ANKRD11: variants seen among roughly 807,000 people sequenced by gnomAD.
The protein encoded by ANKRD11 is ankyrin repeat domain-containing protein 11.
A neutral mutation model predicts 195.7 loss-of-function variants in ANKRD11; 17 were observed. The observed-to-expected ratio is 0.09, with a 90% CI of 0.06 to 0.13. ANKRD11 has a LOEUF of 0.13. Ranked by LOEUF, ANKRD11 falls within the 10% of genes least tolerant of loss-of-function variation. The pLI is 1.00. For missense variants in ANKRD11, 3,735 were observed against 3,566.1 expected, an observed-to-expected ratio of 1.05 and a Z score of -1.21; for synonymous variants, 1,953 against 1,528.1, an observed-to-expected ratio of 1.28 and a Z score of -6.49.
intron 7 of ANKRD11, 102 bp downstream of exon 7, chr16:89,288,426 G>C: frequency 6.4e-7 from 1 of 1,568,186 alleles, no homozygotes; most frequent in Non-Finnish European, 8.7e-7. Flanking sequence ...TCGCTTTCCT[G>C]TGCCCCACAT....
At chr16:89,292,590 C>T (rs1426235350) in intron 4 of ANKRD11, among the ~76,000 whole-genome samples, 1 of 152,222 alleles carries the variant, frequency 6.6e-6, no homozygotes, top group Admixed American at 6.5e-5. Flanking sequence ...CACACCTGGC[C>T]ACATCGACCT....
chr16:89,484,814 A>C (rs2057551351), intron 1 of ANKRD11, among the ~76,000 whole-genome samples: 1 of 152,206 alleles, frequency 6.6e-6, no homozygotes, highest in African/African-American at 2.4e-5. Flanking sequence ...TGTTGAGAAA[A>C]AGCCAACATT....
Position 89,305,807 on chromosome 16 carries a change from G to C in ANKRD11, c.88-463C>G, listed in dbSNP as rs186693863. On this transcript the variant is annotated intron_variant, in intron 3 of 12. Coordinates refer to ENST00000301030, the MANE Select transcript of ANKRD11 (RefSeq NM_013275.6). ...GCAGACACGCGCCACCTCCCACTCC[G>C]CAGACATGCGCCACTTACCTCCCAC... Among the ~76,000 whole-genome samples the C allele has an allele frequency of 2.4e-3, 246 of 101,988 alleles. 9 individuals are homozygous for C. Among genetic ancestry groups the C allele is most frequent in the African/African-American group, 9.9e-3 (238 of 23,956 alleles). 66.9% of individuals were successfully genotyped at this position (101,988 alleles called of 152,430 possible). A position where few individuals can be genotyped will look rare whatever the true frequency, so the allele number is the denominator to read the frequency against.
Position 89,425,136 on chromosome 16 carries a change from G to T in ANKRD11, c.-144-6768C>A, listed in dbSNP as rs185945360. 6.5e-4 allele frequency among the ~76,000 whole-genome samples: 99 copies of T among 151,320 alleles called. 1 individual carries two copies. Among genetic ancestry groups the T allele is most frequent in the Middle Eastern group, 3.5e-3 (1 of 288 alleles). On this transcript the variant is annotated intron_variant, in intron 1 of 12. Coordinates refer to ENST00000301030, the MANE Select transcript of ANKRD11 (RefSeq NM_013275.6). Reference sequence around the variant, plus strand: ...GAGTCCAATATTGACAATTTCATATGGTTTTATCTAGCACCAACTCACTTT... The same window carrying T: ...GAGTCCAATATTGACAATTTCATATTGTTTTATCTAGCACCAACTCACTTT...
intron 2 of ANKRD11, among the ~76,000 whole-genome samples, chr16:89,369,659 A>T (rs1484351183): frequency 6.6e-6 from 1 of 152,180 alleles, no homozygotes; most frequent in Non-Finnish European, 1.5e-5. Flanking sequence ...CCTTGTGGTG[A>T]CGCAAGGGTT....
At chr16:89,307,443 G>A (rs1056021785) in intron 3 of ANKRD11, among the ~76,000 whole-genome samples, 3 of 152,116 alleles carry the variant, frequency 2.0e-5, no homozygotes, top group Admixed American at 6.5e-5. Context: ...AGCTCAGAGT[G>A]CAACTGGAGT....
At chr16:89,311,774 C>T (rs1267356866) in intron 3 of ANKRD11, among the ~76,000 whole-genome samples, 4 of 152,180 alleles carry the variant, frequency 2.6e-5, no homozygotes, top group African/African-American at 7.2e-5. Flanking sequence ...CTGCTCAGAG[C>T]ACCCTATACA....
In ANKRD11 at chr16:89,291,737, C is replaced by G; in HGVS notation, c.227-554G>C. 1 of 1,289,860 alleles carries G rather than the reference C, an allele frequency of 7.8e-7. No individual in the cohort carries two copies. Among genetic ancestry groups the G allele is most frequent in the Non-Finnish European group, 1.0e-6 (1 of 988,890 alleles). The allele number at this position is 1,289,860 out of a possible 1,614,324, so 79.9% of individuals were successfully genotyped here. Reference sequence around the variant, plus strand: ...ATGCCATGGTGCTTCGAGGAGCGTACCAGCCTTGCAGCACCACAACAGGGA... The same window carrying G: ...ATGCCATGGTGCTTCGAGGAGCGTAGCAGCCTTGCAGCACCACAACAGGGA... On this transcript the variant is annotated intron_variant, in intron 4 of 12. Transcript: ENST00000301030. This position sits in a 1 kb window ranked among gnomAD's most constrained non-coding sequence, Gnocchi z 5.3.
At position 89,396,965 on chromosome 16, in the gene ANKRD11, T is replaced by C. The variant is rs551519352; in HGVS notation, c.-60+21319A>G. Among the ~76,000 whole-genome samples the C allele has an allele frequency of 6.6e-5, 10 of 151,982 alleles. No individual in the cohort carries two copies. The South Asian group carries it at 1.0e-3, about 16-fold the overall frequency. On this transcript the variant is annotated intron_variant, in intron 2 of 12. Transcript: ENST00000301030. ...GTTTCCCAGAGCACTGGTGGGATTA[T>C]AGGCATGAGCCAGGGGACTTGACCA...
chr16:89,462,379 T>C (rs2056710263), intron 1 of ANKRD11, among the ~76,000 whole-genome samples: 2 of 152,208 alleles, frequency 1.3e-5, no homozygotes, highest in African/African-American at 2.4e-5. Context: ...TGCTCAATGG[T>C]GCCCAGGCTG....
chr16:89,405,368 G>C (rs1198201955), intron 2 of ANKRD11, among the ~76,000 whole-genome samples: 2 of 152,204 alleles, frequency 1.3e-5, no homozygotes, highest in African/African-American at 4.8e-5. Flanking sequence ...CTGTCACGCA[G>C]GCTAGAGTGC....
At chr16:89,450,505 A>C (rs1341914056) in intron 1 of ANKRD11, among the ~76,000 whole-genome samples, 1 of 152,198 alleles carries the variant, frequency 6.6e-6, no homozygotes, top group Admixed American at 6.5e-5. Context: ...TTGCAAGTAT[A>C]AAGTTCGTTT....
At chr16:89,454,483 T>G (rs2056337526) in intron 1 of ANKRD11, among the ~76,000 whole-genome samples, 1 of 152,172 alleles carries the variant, frequency 6.6e-6, no homozygotes. Flanking sequence ...TAATAAGCAC[T>G]GCTCATATAT....
At chr16:89,315,793 G>A (rs899284378) in intron 3 of ANKRD11, among the ~76,000 whole-genome samples, 2 of 152,198 alleles carry the variant, frequency 1.3e-5, no homozygotes, top group South Asian at 2.1e-4. Flanking sequence ...GGACTGAGTC[G>A]CCATCATGTT....
rs767440106 is a variant in ANKRD11 at position 89,280,011 on chromosome 16, C to G, written c.6531G>C (p.Gly2177=). The change falls in exon 9 of 13, where the codon GGG becomes GGC. Residue 2177 remains glycine (G), a synonymous_variant. Transcript: ENST00000301030. The part of the protein sequence containing the change: ...PPGAPGVING[G]DVSTVVAEEP... ...CCTCAGCCACTACGGTGGAAACATC[C>G]CCACCGTTTATGACCCCGGGGGCCC... The G allele has an allele frequency of 6.8e-6, 11 of 1,612,426 alleles. No individual in the cohort carries two copies. Among genetic ancestry groups the G allele is most frequent in the South Asian group, 1.1e-5 (1 of 91,084 alleles).
In ANKRD11 at chr16:89,401,366, G is replaced by A. The variant is rs540712009; in HGVS notation, c.-60+16918C>T. Among the ~76,000 whole-genome samples the A allele has an allele frequency of 3.6e-4, 55 of 152,230 alleles. 1 individual carries two copies. The South Asian group carries it at 0.011, about 30-fold the overall frequency. On this transcript the variant is annotated intron_variant, in intron 2 of 12. Transcript: ENST00000301030. ...TGCTGGGATTACAGCACGAGCCACT[G>A]CGTCTGGCATTAAATTTCTCTCTTG...
chr16:89,282,151 T>A lies in ANKRD11; in HGVS notation c.4391A>T (p.Lys1464Ile). The stretch of plus-strand genomic sequence containing the variant: ...CTCGTCTCTCCATTTCTCCCTGTGT[T>A]TCTCTCTCTTCTTCTTCTCTTTTAG... ...NILKEKKKRE[K>I]HREKWRDEKE... Residue 1464 changes from lysine to isoleucine, a missense_variant, in exon 9 of 13, where the codon AAA becomes ATA. Lys to Ile is a moderately radical substitution (Grantham distance 102). Coordinates refer to ENST00000301030, the MANE Select transcript of ANKRD11 (RefSeq NM_013275.6). 1 of 1,613,998 alleles carries A rather than the reference T, an allele frequency of 6.2e-7. No homozygotes were observed. The highest frequency in any genetic ancestry group is 8.5e-7 in the Non-Finnish European group (1 of 1,179,996).
intron 11 of ANKRD11, among the ~76,000 whole-genome samples, chr16:89,273,472 C>G (rs561347251): frequency 6.6e-6 from 1 of 152,008 alleles, no homozygotes; most frequent in African/African-American, 2.4e-5. Context: ...GAGGCTGAGG[C>G]GGGTGGATCA....
intron 2 of ANKRD11, among the ~76,000 whole-genome samples, chr16:89,335,237 G>A (rs145114380): frequency 2.6e-3 from 403 of 152,224 alleles, no homozygotes; most frequent in African/African-American, 8.9e-3. Context: ...TGGGAGACGC[G>A]GGTGACAGCC....
Sources: allele counts gnomAD v4.1 joint callset (sites outside exome capture counted in the v4.1 genomes callset), GRCh38; gene constraint gnomAD v4.1.1; non-coding constraint Gnocchi (gnomAD v3.1); transcripts MANE v1.5; gene names NCBI Gene and HGNC (gene_info 2026-07-23, HGNC 2026-07-21).